LUC7L2: variants seen among roughly 807,000 people sequenced by gnomAD.
LUC7L2 encodes the protein LUC7 like 2, pre-mRNA splicing factor, also known as putative RNA-binding protein Luc7-like 2.
A neutral mutation model predicts 52.8 loss-of-function variants in LUC7L2; 25 were observed. The ratio of observed to expected loss-of-function variants is 0.47; its 90% confidence interval spans 0.34 to 0.66. The LOEUF is 0.66. LUC7L2 is among the 30% of genes least tolerant of loss of function. LUC7L2 has a pLI of 0.01. For synonymous variants in LUC7L2, 144 were observed against 160.9 expected (o/e 0.89, Z 0.80); for missense variants, 328 against 497.8 (o/e 0.66, Z 3.25).
Position 139,347,440 on chromosome 7 carries a change from A to G in LUC7L2, c.-26+6923A>G, listed in dbSNP as rs181104129. ...TCATCTCTACTAAAAATACAGAATT[A>G]GCTGGGCATGGTGGCGCATGCCTGT... On this transcript the variant is annotated intron_variant, in intron 1 of 10. Transcript: ENST00000541170. Among the ~76,000 whole-genome samples, 98 of 152,230 alleles carry G rather than the reference A, an allele frequency of 6.4e-4. 1 individual carries two copies. In the East Asian group the frequency reaches 0.017, roughly 26 times the overall value.
intron 1 of LUC7L2, among the ~76,000 whole-genome samples, chr7:139,348,701 G>A (rs977261373): frequency 6.6e-6 from 1 of 151,602 alleles, no homozygotes; most frequent in Admixed American, 6.6e-5. Context: ...CCTGGTGACA[G>A]AGCGAGACTC....
At chr7:139,379,179 T>C (rs1257386221) in intron 2 of LUC7L2, among the ~76,000 whole-genome samples, 1 of 152,092 alleles carries the variant, frequency 6.6e-6, no homozygotes, top group African/African-American at 2.4e-5. Context: ...CAGAATATGA[T>C]TTACCAGTAT....
chr7:139,372,475 A>T (rs1800502368), intron 1 of LUC7L2, among the ~76,000 whole-genome samples: 1 of 151,426 alleles, frequency 6.6e-6, no homozygotes, highest in East Asian at 1.9e-4. Context: ...CTTTACTTTG[A>T]TCTAAGTCCT....
At chr7:139,360,491 CA>C (rs1018148845) in intron 1 of LUC7L2, among the ~76,000 whole-genome samples, 169 bp downstream of exon 1, 43 of 152,270 alleles carry the variant, frequency 2.8e-4, no homozygotes, top group South Asian at 1.5e-3. Context: ...GGCAGGCGGG[CA>C]GGGGGGGCGG....
At chr7:139,409,817 A>G (rs945679694) in intron 7 of LUC7L2, among the ~76,000 whole-genome samples, 163 bp downstream of exon 7, 3 of 152,250 alleles carry the variant, frequency 2.0e-5, no homozygotes, top group Non-Finnish European at 4.4e-5. Context: ...ATGTTTAATT[A>G]TACAAGTATC....
chr7:139,379,390 A>G (rs1024561534), intron 2 of LUC7L2, among the ~76,000 whole-genome samples: 3 of 151,366 alleles, frequency 2.0e-5, no homozygotes, highest in Non-Finnish European at 4.4e-5. Context: ...TTCTCATTAT[A>G]AAGAGGTTGG....
At chr7:139,395,121 AG>A (rs1794603272) in intron 2 of LUC7L2, among the ~76,000 whole-genome samples, 1 of 152,212 alleles carries the variant, frequency 6.6e-6, no homozygotes, top group Non-Finnish European at 1.5e-5. Context: ...TCATGTGAAC[AG>A]CTATAGCTTG....
chr7:139,340,651 C>G (rs1216896322), intron 1 of LUC7L2: 2 of 396,094 alleles, frequency 5.0e-6, no homozygotes, highest in Non-Finnish European at 8.9e-6. Flanking sequence ...GATGACGTAC[C>G]AAAGAGGAAA....
At chr7:139,350,739 G>A (rs1351844006) in intron 1 of LUC7L2, among the ~76,000 whole-genome samples, 2 of 150,768 alleles carry the variant, frequency 1.3e-5, no homozygotes, top group Admixed American at 6.6e-5. Context: ...GCAGTGGTGC[G>A]ATCTTGGCTC....
chr7:139,344,301 C>G (rs1200328330), intron 1 of LUC7L2, among the ~76,000 whole-genome samples: 2 of 152,142 alleles, frequency 1.3e-5, no homozygotes, highest in African/African-American at 4.8e-5. Context: ...CACCCCCACT[C>G]AGGAATACCA....
intron 9 of LUC7L2, among the ~76,000 whole-genome samples, 187 bp from the exon 10 acceptor site, chr7:139,421,976 T>C (rs540214303): frequency 2.0e-5 from 3 of 152,310 alleles, no homozygotes; most frequent in African/African-American, 7.2e-5. Context: ...TTTTCACCCA[T>C]CTTCTTGTTT....
At chr7:139,374,682 AT>A in intron 1 of LUC7L2, 1 of 1,310,994 alleles carries the variant, frequency 7.6e-7, no homozygotes, top group African/African-American at 1.5e-5. Flanking sequence ...CATTTTAACT[AT>A]AAATTACTGT....
intron 2 of LUC7L2, among the ~76,000 whole-genome samples, chr7:139,380,240 C>T (rs143791899): frequency 2.6e-5 from 4 of 152,162 alleles, no homozygotes; most frequent in East Asian, 3.9e-4. Flanking sequence ...AATAATTATA[C>T]GTTTAATGAT....
intron 2 of LUC7L2, among the ~76,000 whole-genome samples, chr7:139,379,108 G>C (rs1800858474): frequency 6.6e-6 from 1 of 152,190 alleles, no homozygotes; most frequent in Non-Finnish European, 1.5e-5. Flanking sequence ...GTTCGCCTCA[G>C]CCTCCCAAAG....
At chr7:139,380,062 C>G (rs1216451833) in intron 2 of LUC7L2, among the ~76,000 whole-genome samples, 1 of 151,466 alleles carries the variant, frequency 6.6e-6, no homozygotes, top group African/African-American at 2.4e-5. Context: ...ACCTGTAATC[C>G]CAGCTACTCG....
intron 3 of LUC7L2, among the ~76,000 whole-genome samples, chr7:139,399,534 A>T (rs773770122): frequency 7.5e-6 from 1 of 132,782 alleles, no homozygotes; most frequent in Admixed American, 9.2e-5. Context: ...CAGTGGCCCA[A>T]TCTCGGCTCA....
chr7:139,422,888 C>T lies in LUC7L2; in HGVS notation c.*548C>T, dbSNP rs567158217. On this transcript the variant is annotated 3_prime_UTR_variant, in exon 10 of 10. Coordinates refer to ENST00000354926, the MANE Select transcript of LUC7L2 (RefSeq NM_016019.5). Reference sequence around the variant, plus strand: ...ATGTGTGCTGGAGAAATTTAAAATACTGGGGTTTTTTGTTTAATGGTGCCT... The same window carrying T: ...ATGTGTGCTGGAGAAATTTAAAATATTGGGGTTTTTTGTTTAATGGTGCCT... The T allele has an allele frequency of 4.5e-5, 18 of 398,792 alleles. No individual in the cohort carries two copies. Among genetic ancestry groups the T allele is most frequent in the Non-Finnish European group, 6.6e-5 (15 of 226,064 alleles). 24.7% of individuals were successfully genotyped at this position (398,792 alleles called of 1,614,324 possible). A position where few individuals can be genotyped will look rare whatever the true frequency, so the allele number is the denominator to read the frequency against.
chr7:139,344,593 G>C (rs1054272766), intron 1 of LUC7L2, among the ~76,000 whole-genome samples: 3 of 151,010 alleles, frequency 2.0e-5, no homozygotes, highest in Admixed American at 6.6e-5. Flanking sequence ...ATTGTAATAA[G>C]TAATATGAAC....
rs868203467 is a variant in LUC7L2, at chr7:139,362,147, G to A, written c.61+1825G>A. ...CTTCAGACTTAGAGGATTTATGATCGAACTCATATTTACGAGTCCACAGTA... is the reference window on the plus strand; with the variant it reads ...CTTCAGACTTAGAGGATTTATGATCAAACTCATATTTACGAGTCCACAGTA... On this transcript the variant is annotated intron_variant, in intron 1 of 9. Coordinates refer to ENST00000354926, the MANE Select transcript of LUC7L2 (RefSeq NM_016019.5). 2.0e-5 allele frequency among the ~76,000 whole-genome samples: 3 copies of A among 151,404 alleles called. No individual in the cohort carries two copies. The South Asian group carries it at 6.2e-4, about 32-fold the overall frequency.
Sources: gnomAD v4.1 joint callset for allele counts (sites outside exome capture counted in the v4.1 genomes callset) on GRCh38, gnomAD v4.1.1 for gene constraint, MANE v1.5 for transcripts, NCBI Gene and HGNC (gene_info 2026-07-23, HGNC 2026-07-21) for gene names.